GOLIM4: variants seen among roughly 807,000 people sequenced by gnomAD.
GOLIM4 encodes 130 kDa golgi-localized phosphoprotein.
Under a neutral mutation model 107.4 loss-of-function variants are expected in GOLIM4, and 71 were observed. The observed-to-expected ratio is 0.66, with a 90% CI of 0.55 to 0.81. The LOEUF (loss-of-function observed/expected upper bound fraction) is 0.81, where lower values mean the gene tolerates loss of function less well. Ranked by LOEUF, GOLIM4 falls within the 30% of genes least tolerant of loss-of-function variation. GOLIM4 has a pLI of 0.00. For missense variants in GOLIM4, 830 were observed against 826.1 expected (o/e 1.00, Z -0.06); for synonymous variants, 327 against 294.8 (o/e 1.11, Z -1.12).
At chr3:168,016,158 T>A (rs1421966628) in intron 14 of GOLIM4, among the ~76,000 whole-genome samples, 1 of 134,570 alleles carries the variant, frequency 7.4e-6, no homozygotes, top group Non-Finnish European at 1.5e-5. Context: ...AAATGGCTAA[T>A]ATCCAGAATC....
intron 1 of GOLIM4, among the ~76,000 whole-genome samples, chr3:168,050,383 A>T (rs1719546919): frequency 6.6e-6 from 1 of 152,198 alleles, no homozygotes. Context: ...TCTTAAATTA[A>T]GTTTGGAATA....
chr3:168,063,561 G>A (rs368854241), intron 1 of GOLIM4, among the ~76,000 whole-genome samples: 6 of 152,174 alleles, frequency 3.9e-5, no homozygotes, highest in Middle Eastern at 3.4e-3. Context: ...CTGAGATATT[G>A]GGCATTGCCT....
In GOLIM4 at chr3:168,027,840, A is replaced by G. The variant is rs767349340; in HGVS notation, c.1514-3T>C. ...GTGCTGGTTGTCTCTTTCATAGGCT[A>G]GCAAATCAAAGGAACTAAAATCAGC... is the stretch of plus-strand genomic sequence containing the variant. On this transcript the variant is annotated splice_polypyrimidine_tract_variant and splice_region_variant and intron_variant, in intron 11 of 15. Transcript: ENST00000470487. 1 of 1,572,064 alleles carries G rather than the reference A, an allele frequency of 6.4e-7. No homozygotes were observed. Among genetic ancestry groups the G allele is most frequent in the South Asian group, 1.1e-5 (1 of 90,194 alleles).
chr3:168,065,229 A>T (rs963831947), intron 1 of GOLIM4, among the ~76,000 whole-genome samples: 4 of 152,240 alleles, frequency 2.6e-5, no homozygotes, highest in Admixed American at 2.0e-4. Flanking sequence ...TGTTTATAGT[A>T]AAGGAGAAGA....
chr3:168,031,587 G>A (rs1392748737), intron 9 of GOLIM4, among the ~76,000 whole-genome samples: 3 of 152,212 alleles, frequency 2.0e-5, no homozygotes, highest in African/African-American at 7.2e-5. Context: ...TAGAGGGTTG[G>A]GAAGTAAAGC....
intron 1 of GOLIM4, among the ~76,000 whole-genome samples, chr3:168,052,040 C>T (rs6789357): frequency 0.062 from 9,432 of 152,120 alleles, 933 homozygotes; most frequent in African/African-American, 0.22. Context: ...AAGACACAGC[C>T]TTGATGCCTG....
chr3:168,050,760 C>A (rs1325448538), intron 1 of GOLIM4, among the ~76,000 whole-genome samples: 1 of 151,020 alleles, frequency 6.6e-6, no homozygotes, highest in African/African-American at 2.4e-5. Flanking sequence ...GGTGAACTAT[C>A]CAAGATCCTA....
chr3:168,019,203 T>C (rs1717545394), intron 14 of GOLIM4, among the ~76,000 whole-genome samples: 1 of 152,184 alleles, frequency 6.6e-6, no homozygotes. Context: ...TGAAAATCTT[T>C]AAGCACATGC....
intron 1 of GOLIM4, among the ~76,000 whole-genome samples, chr3:168,054,578 G>A (rs932712686): frequency 4.6e-5 from 7 of 151,972 alleles, no homozygotes; most frequent in African/African-American, 1.4e-4. Flanking sequence ...TCTCTTTAGT[G>A]CTGATCATCA....
chr3:168,070,327 A>G (rs1320683476), intron 1 of GOLIM4, among the ~76,000 whole-genome samples: 1 of 152,240 alleles, frequency 6.6e-6, no homozygotes, highest in African/African-American at 2.4e-5. Flanking sequence ...CGGGAGGCAG[A>G]GGTTGCAGTA....
At chr3:168,050,865 A>ATAATAG (rs1468978740) in intron 1 of GOLIM4, among the ~76,000 whole-genome samples, 4 of 146,412 alleles carry the variant, frequency 2.7e-5, no homozygotes, top group Admixed American at 6.9e-5. Flanking sequence ...AATAATAATA[A>ATAATAG]TAATAAAACC....
chr3:168,072,052 G>A (rs1477027871), intron 1 of GOLIM4, among the ~76,000 whole-genome samples: 1 of 152,090 alleles, frequency 6.6e-6, no homozygotes, highest in Non-Finnish European at 1.5e-5. Flanking sequence ...TTCCCATAGG[G>A]CCAAATTCTG....
chr3:168,044,852 C>T lies in GOLIM4; in HGVS notation c.342G>A (p.Leu114=). 1 of 1,562,242 alleles carries T rather than the reference C, an allele frequency of 6.4e-7. No homozygotes were observed. The highest frequency in any genetic ancestry group is 1.4e-5 in the African/African-American group (1 of 72,092). The change falls in exon 4 of 16, where the codon CTG becomes CTA. Residue 114 remains leucine (L), a synonymous_variant. Transcript: ENST00000470487. ...CTTTCAACATCTGATGTTGGACATTCAGTGCACTGTATCTGCTATTGGAAT... is the reference window on the plus strand; with the variant it reads ...CTTTCAACATCTGATGTTGGACATTTAGTGCACTGTATCTGCTATTGGAAT... The part of the protein sequence containing the change: ...RQDSNSRYSA[L]NVQHQMLKSQ...
intron 1 of GOLIM4, among the ~76,000 whole-genome samples, chr3:168,058,834 A>T (rs1577550886): frequency 6.6e-6 from 1 of 152,220 alleles, no homozygotes; most frequent in African/African-American, 2.4e-5. Flanking sequence ...TTAAGGACTC[A>T]CAGTAATAGA....
intron 1 of GOLIM4, among the ~76,000 whole-genome samples, chr3:168,070,421 A>G (rs889296934): frequency 1.3e-5 from 2 of 152,072 alleles, no homozygotes; most frequent in Non-Finnish European, 2.9e-5. Flanking sequence ...CAAACAAAAA[A>G]TCCAAATTTT....
chr3:168,021,714 T>C (rs1365117703), intron 14 of GOLIM4, among the ~76,000 whole-genome samples: 1 of 151,834 alleles, frequency 6.6e-6, no homozygotes. Flanking sequence ...CTTGACACGG[T>C]GATTCACAGG....
At chr3:168,023,458 T>C (rs1370218698) in intron 14 of GOLIM4, among the ~76,000 whole-genome samples, 2 of 152,224 alleles carry the variant, frequency 1.3e-5, no homozygotes, top group Admixed American at 1.3e-4. Flanking sequence ...ACAAATTTTA[T>C]CATCAGCTCT....
Position 168,036,989 on chromosome 3 carries a change from T to C in GOLIM4, c.690A>G (p.Gln230=), listed in dbSNP as rs143494624. Residue 230 remains glutamine (Q), a synonymous_variant, in exon 8 of 16, where the codon CAA becomes CAG. Transcript: ENST00000470487. Reference sequence around the variant, plus strand: ...CTTTCAGTTGTTTATATTCTGCAACTTGAGTCTGCATATAAATTGCACAAT... The same window carrying C: ...CTTTCAGTTGTTTATATTCTGCAACCTGAGTCTGCATATAAATTGCACAAT... ...HKSALAAAQT[Q]VAEYKQLKDT... is the part of the protein sequence containing the mutation. The C allele has an allele frequency of 1.2e-6, 2 of 1,611,474 alleles. No individual in the cohort carries two copies. The highest frequency in any genetic ancestry group is 2.7e-5 in the African/African-American group (2 of 74,872).
chr3:168,011,220 G>A (rs9869324), intron 14 of GOLIM4, among the ~76,000 whole-genome samples: 4,587 of 149,680 alleles, frequency 0.031, 378 homozygotes, highest in African/African-American at 0.11. Flanking sequence ...GCGAGGCATT[G>A]TCTCACTTGG....
Sources: gnomAD v4.1 joint callset for allele counts (sites outside exome capture counted in the v4.1 genomes callset) on GRCh38, gnomAD v4.1.1 for gene constraint, MANE v1.5 for transcripts, NCBI Gene and HGNC (gene_info 2026-07-23, HGNC 2026-07-21) for gene names.